PHF24: variants seen among roughly 807,000 people sequenced by gnomAD.
The protein encoded by PHF24 is PHD finger protein 24.
In PHF24, 25 loss-of-function variants were observed where a neutral mutation model predicts 42.6. The observed-to-expected ratio is 0.59, with a 90% CI of 0.43 to 0.82. The LOEUF (loss-of-function observed/expected upper bound fraction) is 0.82. Ranked by LOEUF, PHF24 falls within the 40% of genes least tolerant of loss-of-function variation. The pLI is 0.00. For missense variants in PHF24, 470 were observed against 538.1 expected, an observed-to-expected ratio of 0.87 and a Z score of 1.25; for synonymous variants, 185 against 204.8, an observed-to-expected ratio of 0.90 and a Z score of 0.83.
At position 34,976,723 on chromosome 9, in the gene PHF24, C is replaced by A. The variant is rs769820291; in HGVS notation, c.832C>A (p.Gln278Lys). 2.5e-6 allele frequency: 4 copies of A among 1,613,674 alleles called. No homozygotes were observed. The Admixed American group carries it at 6.7e-5, about 27-fold the overall frequency. The change falls in exon 5 of 8, where the codon CAG (glutamine) becomes AAG (lysine). Residue 278 changes from glutamine to lysine, a missense_variant. By Grantham distance (53) the Gln-to-Lys change is moderately conservative. Coordinates refer to ENST00000242315, the Ensembl canonical transcript of PHF24. ...GTCCCATGAGTCCCTCCTGCTTCTGCAGCAGTTGCGTCCCCAGGTGAGGGC... is the reference window on the plus strand; with the variant it reads ...GTCCCATGAGTCCCTCCTGCTTCTGAAGCAGTTGCGTCCCCAGGTGAGGGC...
chr9:34,729,129 T>C, the PHF24 span, among the ~76,000 whole-genome samples: 1 of 152,176 alleles, frequency 6.6e-6, no homozygotes, highest in African/African-American at 2.4e-5. Context: ...AAGGGCCTGG[T>C]AAGGAATTAT....
At chr9:34,897,223 G>C in the PHF24 span, among the ~76,000 whole-genome samples, 17 of 152,188 alleles carry the variant, frequency 1.1e-4, no homozygotes, top group African/African-American at 3.6e-4. Flanking sequence ...TCCTCCACCA[G>C]ACAGGAATAG....
the PHF24 span, among the ~76,000 whole-genome samples, chr9:34,840,364 A>G: frequency 8.6e-6 from 1 of 116,790 alleles, no homozygotes; most frequent in African/African-American, 3.7e-5. Flanking sequence ...TTTATTCACA[A>G]AGGGAAAGAT....
chr9:34,703,415 C>T, the PHF24 span, among the ~76,000 whole-genome samples: 3 of 152,262 alleles, frequency 2.0e-5, no homozygotes, highest in Admixed American at 6.5e-5. Context: ...GTGATCCACC[C>T]GCCTCGGCCT....
At chr9:34,735,573 G>T in the PHF24 span, among the ~76,000 whole-genome samples, 1 of 151,804 alleles carries the variant, frequency 6.6e-6, no homozygotes, top group Non-Finnish European at 1.5e-5. Context: ...GGCCTTGGCT[G>T]GTGGATCATG....
At chr9:34,768,884 C>G in the PHF24 span, among the ~76,000 whole-genome samples, 1 of 149,704 alleles carries the variant, frequency 6.7e-6, no homozygotes, top group African/African-American at 2.5e-5. Flanking sequence ...TTTACTACTA[C>G]TAGTAGGTGG....
the PHF24 span, among the ~76,000 whole-genome samples, chr9:34,713,825 C>A: frequency 6.6e-6 from 1 of 152,114 alleles, no homozygotes; most frequent in Non-Finnish European, 1.5e-5. Flanking sequence ...GAGTGCTAAA[C>A]TCAGCAGCAA....
At chr9:34,677,393 T>TTTTTTTTTTTTTTTTTTTTG in the PHF24 span, among the ~76,000 whole-genome samples, 5 of 79,358 alleles carry the variant, frequency 6.3e-5, no homozygotes, top group Non-Finnish European at 1.5e-4. Context: ...TAAACTGTTT[T>TTTTTTTTTTTTTTTTTTTTG]TTTTTTTTTT....
At chr9:34,858,227 C>T in the PHF24 span, among the ~76,000 whole-genome samples, 1 of 152,070 alleles carries the variant, frequency 6.6e-6, no homozygotes, top group Non-Finnish European at 1.5e-5. Flanking sequence ...GGTATCTGTA[C>T]ATTTGAAGAA....
the PHF24 span, chr9:34,834,783 C>T: frequency 1.3e-6 from 2 of 1,542,576 alleles, no homozygotes; most frequent in African/African-American, 1.5e-5. Context: ...TTGATCTGAG[C>T]TCGTTGATGG....
chr9:34,782,120 C>G, the PHF24 span, among the ~76,000 whole-genome samples: 2 of 152,128 alleles, frequency 1.3e-5, no homozygotes, highest in African/African-American at 4.8e-5. Context: ...TGAAGTCCTC[C>G]AACTTGCACG....
At chr9:34,730,746 C>T in the PHF24 span, among the ~76,000 whole-genome samples, 1 of 152,122 alleles carries the variant, frequency 6.6e-6, no homozygotes, top group Non-Finnish European at 1.5e-5. Flanking sequence ...AGAGAGGGCT[C>T]CTGGGTAGTC....
chr9:34,666,455 G>A, the PHF24 span, among the ~76,000 whole-genome samples: 1 of 152,038 alleles, frequency 6.6e-6, no homozygotes, highest in African/African-American at 2.4e-5. Context: ...GAAAAGGCCA[G>A]GCTACGGAAA....
At chr9:34,816,997 G>A in the PHF24 span, among the ~76,000 whole-genome samples, 2 of 152,096 alleles carry the variant, frequency 1.3e-5, no homozygotes, top group Non-Finnish European at 2.9e-5. Context: ...ACTTTAAAAT[G>A]ATCCTCTCAG....
At chr9:34,957,842 C>T (rs1039478193), upstream of PHF24, 1 of 152,318 alleles carries the variant, frequency 6.6e-6, no homozygotes, top group African/African-American at 2.4e-5. Flanking sequence ...CACCCAACCC[C>T]CGGCGCGGAA....
At chr9:34,795,136 A>T in the PHF24 span, among the ~76,000 whole-genome samples, 1 of 152,164 alleles carries the variant, frequency 6.6e-6, no homozygotes, top group Admixed American at 6.6e-5. Flanking sequence ...GCAGTTTCTC[A>T]TCAGAAATCA....
the PHF24 span, among the ~76,000 whole-genome samples, chr9:34,803,717 G>C: frequency 6.6e-6 from 1 of 152,138 alleles, no homozygotes; most frequent in African/African-American, 2.4e-5. Context: ...ACTGGAATAG[G>C]CATGTTTTAC....
the PHF24 span, among the ~76,000 whole-genome samples, chr9:34,688,965 A>G: frequency 1.4e-4 from 21 of 152,206 alleles, no homozygotes; most frequent in Non-Finnish European, 2.8e-4. Context: ...GTGAGGGGCC[A>G]CTGCAGGAGG....
the PHF24 span, among the ~76,000 whole-genome samples, chr9:34,718,097 G>A: frequency 4.6e-5 from 7 of 152,236 alleles, no homozygotes; most frequent in East Asian, 3.9e-4. Context: ...TTCCCTTCCC[G>A]CCGTCTGGAT....
Sources: gnomAD v4.1 joint callset for allele counts (sites outside exome capture counted in the v4.1 genomes callset) on GRCh38, gnomAD v4.1.1 for gene constraint, MANE v1.5 for transcripts, NCBI Gene and HGNC (gene_info 2026-07-23, HGNC 2026-07-21) for gene names.